The following ZBTB44 variants were observed in gnomAD, a reference collection of about 807,000 sequenced individuals.
ZBTB44 encodes the protein zinc finger and BTB domain containing 44, also known as zinc finger and BTB domain-containing protein 44.
ZBTB44 carries 15 observed loss-of-function variants against 54.0 expected under a neutral mutation model. That is an observed-to-expected ratio of 0.28 (90% CI 0.19 to 0.43). The LOEUF (loss-of-function observed/expected upper bound fraction) is 0.43, where lower values mean the gene tolerates loss of function less well. Ranked by LOEUF, ZBTB44 falls within the 20% of genes least tolerant of loss-of-function variation. ZBTB44 has a pLI of 1.00. For missense variants in ZBTB44, 487 were observed against 707.1 expected (o/e 0.69, Z 3.53); for synonymous variants, 230 against 250.1 (o/e 0.92, Z 0.76).
At chr11:130,273,429 T>C (rs1939828427) in intron 1 of ZBTB44, among the ~76,000 whole-genome samples, 1 of 151,376 alleles carries the variant, frequency 6.6e-6, no homozygotes, top group African/African-American at 2.4e-5. Flanking sequence ...CCTACCTCAG[T>C]CTCCTGAGTA....
intron 1 of ZBTB44, among the ~76,000 whole-genome samples, chr11:130,268,424 T>C (rs1939421056): frequency 1.3e-5 from 2 of 152,196 alleles, no homozygotes; most frequent in East Asian, 1.9e-4. Context: ...GCTCAGATAA[T>C]TGCTAGAATT....
At chr11:130,268,295 C>G (rs1340227396) in intron 1 of ZBTB44, among the ~76,000 whole-genome samples, 1 of 151,726 alleles carries the variant, frequency 6.6e-6, no homozygotes, top group Admixed American at 6.6e-5. Flanking sequence ...AACTTCATCA[C>G]TGTCTCATTA....
At chr11:130,240,060 G>A (rs962261520) in intron 2 of ZBTB44, among the ~76,000 whole-genome samples, 164 bp from the exon 3 acceptor site, 2 of 41,734 alleles carry the variant, frequency 4.8e-5, no homozygotes, top group Non-Finnish European at 1.1e-4. Context: ...TTTTTTTTTT[G>A]AGACTGAGTC....
At chr11:130,282,739 G>A (rs576946458) in intron 1 of ZBTB44, among the ~76,000 whole-genome samples, 36 of 152,212 alleles carry the variant, frequency 2.4e-4, no homozygotes, top group African/African-American at 7.9e-4. Flanking sequence ...CACCTTAAAC[G>A]GTTCACATTT....
intron 2 of ZBTB44, among the ~76,000 whole-genome samples, chr11:130,251,014 A>G (rs896048543): frequency 6.6e-6 from 1 of 152,178 alleles, no homozygotes; most frequent in African/African-American, 2.4e-5. Context: ...AGCATGTTCT[A>G]TCTCACCCAA....
intron 2 of ZBTB44, among the ~76,000 whole-genome samples, chr11:130,246,574 A>C (rs1225747272): frequency 6.6e-6 from 1 of 152,192 alleles, no homozygotes; most frequent in African/African-American, 2.4e-5. Context: ...ATCAAACTCA[A>C]GTTGCTGCTG....
chr11:130,298,859 A>AC (rs1941830392), intron 1 of ZBTB44, among the ~76,000 whole-genome samples: 1 of 151,006 alleles, frequency 6.6e-6, no homozygotes, highest in African/African-American at 2.4e-5. Context: ...ACACACACAC[A>AC]AAACCATCAG....
At position 130,228,651 on chromosome 11, in the gene ZBTB44, T is replaced by G. The variant is rs1187800886; in HGVS notation, c.*3113A>C. The G allele has an allele frequency of 6.6e-6, 1 of 152,198 alleles. No homozygotes were observed. The highest frequency in any genetic ancestry group is 2.4e-5 in the African/African-American group (1 of 41,450). The allele number at this position is 152,198 out of a possible 1,614,324, so 9.4% of individuals were successfully genotyped here. On this transcript the variant is annotated 3_prime_UTR_variant, in exon 8 of 8. Coordinates refer to ENST00000357899, the MANE Select transcript of ZBTB44 (RefSeq NM_001301098.2). The stretch of plus-strand genomic sequence containing the variant: ...TTAAAGCAGGAAGATTTATCCTTCC[T>G]CAGCAGGTGATGTACTTTGGTAACC...
In ZBTB44 at chr11:130,261,470, C is replaced by CTGT; in HGVS notation, c.401_403dup (p.Asn134dup). 3.1e-6 allele frequency: 5 copies of CTGT among 1,613,944 alleles called. No homozygotes were observed. The highest frequency in any genetic ancestry group is 4.2e-6 in the Non-Finnish European group (5 of 1,179,884). The stretch of plus-strand genomic sequence containing the variant: ...AGCATCTAGACCCTTTTCAGGTTGG[C>CTGT]TGTTGGGTGTATTCCATAAAATGCT... On this transcript the variant is annotated inframe_insertion, in exon 2 of 8. Coordinates refer to ENST00000357899, the MANE Select transcript of ZBTB44 (RefSeq NM_001301098.2). This position sits in a 1 kb window ranked among gnomAD's most constrained non-coding sequence, Gnocchi z 4.8.
rs143028089 is a variant in ZBTB44, at chr11:130,296,400, G to A, written c.-57+17975C>T. ...GTTGCTGAACTACATTGATTTGCCC[G>A]TCTTGGCCATTCATGGAAAGCAAAA... On this transcript the variant is annotated intron_variant, in intron 1 of 7. Coordinates refer to ENST00000357899, the MANE Select transcript of ZBTB44 (RefSeq NM_001301098.2). 8,073 of 1,506,444 alleles carry A rather than the reference G, an allele frequency of 5.4e-3. 25 individuals are homozygous for A. The highest frequency in any genetic ancestry group is 6.3e-3 in the Non-Finnish European group (7,104 of 1,121,934). The allele number at this position is 1,506,444 out of a possible 1,614,324, so 93.3% of individuals were successfully genotyped here. A position where few individuals can be genotyped will look rare whatever the true frequency, so the allele number is the denominator to read the frequency against.
At chr11:130,283,608 A>G (rs892807735) in intron 1 of ZBTB44, among the ~76,000 whole-genome samples, 1 of 152,156 alleles carries the variant, frequency 6.6e-6, no homozygotes, top group African/African-American at 2.4e-5. Context: ...GTTCAATCTC[A>G]TTTTAAAAAA....
chr11:130,270,002 T>C (rs768912301), intron 1 of ZBTB44, among the ~76,000 whole-genome samples: 2 of 152,164 alleles, frequency 1.3e-5, no homozygotes, highest in Non-Finnish European at 2.9e-5. Flanking sequence ...TTTTGATATA[T>C]AGATTAGCTG....
intron 2 of ZBTB44, among the ~76,000 whole-genome samples, chr11:130,257,238 T>TAAAAAAAAAAAAAAAAAAAAAA (rs572669481): frequency 9.1e-6 from 1 of 109,342 alleles, no homozygotes. Flanking sequence ...TCCCAGATCT[T>TAAAAAAAAAAAAAAAAAAAAAA]AAAAAAAAAA....
Position 130,231,046 on chromosome 11 carries a change from C to T in ZBTB44, c.*718G>A, listed in dbSNP as rs1953858637. ...CTTAAGAAAGATAGCTACGTTTAAG[C>T]ACTCTAAACTGGAATATTTATGTTT... is the stretch of plus-strand genomic sequence containing the variant. On this transcript the variant is annotated 3_prime_UTR_variant, in exon 8 of 8. Coordinates refer to ENST00000357899, the MANE Select transcript of ZBTB44 (RefSeq NM_001301098.2). The T allele has an allele frequency of 6.6e-6, 1 of 152,028 alleles. No homozygotes were observed. The highest frequency in any genetic ancestry group is 1.5e-5 in the Non-Finnish European group (1 of 67,946). The allele number at this position is 152,028 out of a possible 1,614,324, so 9.4% of individuals were successfully genotyped here.
At chr11:130,307,025 C>T (rs1255052993) in intron 1 of ZBTB44, among the ~76,000 whole-genome samples, 1 of 149,680 alleles carries the variant, frequency 6.7e-6, no homozygotes, top group Non-Finnish European at 1.5e-5. Flanking sequence ...CCACCTGCAC[C>T]CCCAAAACTA....
chr11:130,302,727 A>G (rs1412820909), intron 1 of ZBTB44, among the ~76,000 whole-genome samples: 1 of 152,236 alleles, frequency 6.6e-6, no homozygotes, highest in Non-Finnish European at 1.5e-5. Context: ...TAATCCCAAC[A>G]CTTTGGGAGG....
At chr11:130,289,396 T>C (rs1364943057) in intron 1 of ZBTB44, among the ~76,000 whole-genome samples, 2 of 151,496 alleles carry the variant, frequency 1.3e-5, no homozygotes, top group Non-Finnish European at 1.5e-5. Context: ...GGCAGGAGAA[T>C]TGCTTGAACT....
intron 2 of ZBTB44, among the ~76,000 whole-genome samples, chr11:130,248,739 TATA>T (rs1313986136): frequency 6.6e-6 from 1 of 152,218 alleles, no homozygotes; most frequent in East Asian, 1.9e-4. Flanking sequence ...AGAATCCATT[TATA>T]ATAATATATA....
chr11:130,267,288 A>T (rs189595862), intron 1 of ZBTB44, among the ~76,000 whole-genome samples: 117 of 152,226 alleles, frequency 7.7e-4, no homozygotes, highest in Non-Finnish European at 1.3e-3. Flanking sequence ...AAAAGCTGGC[A>T]GAGGTTGGTT....
Sources: allele counts gnomAD v4.1 joint callset (sites outside exome capture counted in the v4.1 genomes callset), GRCh38; gene constraint gnomAD v4.1.1; non-coding constraint Gnocchi (gnomAD v3.1); transcripts MANE v1.5; gene names NCBI Gene and HGNC (gene_info 2026-07-23, HGNC 2026-07-21).